Variants in IGF2BP1 observed in about 807,000 individuals in gnomAD.
The protein encoded by IGF2BP1 is insulin like growth factor 2 mRNA binding protein 1, also known as insulin-like growth factor 2 mRNA-binding protein 1.
IGF2BP1 carries 11 observed loss-of-function variants against 74.9 expected under a neutral mutation model. The observed-to-expected ratio is 0.15, with a 90% confidence interval of 0.09 to 0.24. IGF2BP1 has a LOEUF of 0.24. Among genes scored for constraint, IGF2BP1 ranks in the 10% least tolerant of loss-of-function variants. The pLI, the probability that IGF2BP1 is intolerant of heterozygous loss-of-function variation, is 1.00. For missense variants in IGF2BP1, 440 were observed against 757.4 expected, an observed-to-expected ratio of 0.58 and a Z score of 4.92; for synonymous variants, 287 against 281.8, an observed-to-expected ratio of 1.02 and a Z score of -0.18.
At chr17:49,008,620 C>A (rs1433812628) in intron 2 of IGF2BP1, among the ~76,000 whole-genome samples, 1 of 152,142 alleles carries the variant, frequency 6.6e-6, no homozygotes, top group African/African-American at 2.4e-5. Flanking sequence ...TTCTTTTAAA[C>A]TTCTAACTAA....
upstream of IGF2BP1, chr17:48,996,572 A>G (rs1477261372): frequency 1.3e-5 from 2 of 152,342 alleles, no homozygotes; most frequent in East Asian, 3.9e-4. Flanking sequence ...CGCTCCGGTT[A>G]GCCCTAGCTA....
intron 2 of IGF2BP1, among the ~76,000 whole-genome samples, chr17:48,999,607 T>C (rs1468301315): frequency 6.6e-6 from 1 of 152,124 alleles, no homozygotes; most frequent in Non-Finnish European, 1.5e-5. Flanking sequence ...TGGATTGCCC[T>C]TCTCCCGAAG....
chr17:49,002,163 G>A (rs2143918643), intron 2 of IGF2BP1, among the ~76,000 whole-genome samples: 1 of 151,990 alleles, frequency 6.6e-6, no homozygotes, highest in East Asian at 1.9e-4. Flanking sequence ...AAATGAGGTG[G>A]GCTAACTCCC....
chr17:49,040,586 C>T (rs1030911058), intron 7 of IGF2BP1, among the ~76,000 whole-genome samples: 1 of 152,200 alleles, frequency 6.6e-6, no homozygotes, highest in Non-Finnish European at 1.5e-5. Flanking sequence ...ATTGTGTCTG[C>T]GTGCCTGCAT....
chr17:49,034,767 A>C (rs1450964911), intron 5 of IGF2BP1, among the ~76,000 whole-genome samples: 1 of 150,596 alleles, frequency 6.6e-6, no homozygotes, highest in African/African-American at 2.5e-5. Context: ...AAAAAAAACA[A>C]AAAAAACGAA....
chr17:49,032,778 T>C (rs755618630), intron 5 of IGF2BP1, among the ~76,000 whole-genome samples: 1 of 152,160 alleles, frequency 6.6e-6, no homozygotes, highest in Non-Finnish European at 1.5e-5. Flanking sequence ...GCTTTAAAGC[T>C]CATGTCAACA....
intron 2 of IGF2BP1, chr17:49,017,879 C>G (rs1266962591): frequency 6.6e-6 from 1 of 151,904 alleles, no homozygotes; most frequent in African/African-American, 2.4e-5. Flanking sequence ...CAAAGTGCCT[C>G]AACTTTCCGA....
At chr17:49,000,467 G>A (rs879444065) in intron 2 of IGF2BP1, among the ~76,000 whole-genome samples, 3 of 152,152 alleles carry the variant, frequency 2.0e-5, no homozygotes, top group Non-Finnish European at 2.9e-5. Context: ...TTGAAATACC[G>A]TGTTATTGGA....
chr17:49,009,021 A>AT (rs1279842651), intron 2 of IGF2BP1, among the ~76,000 whole-genome samples: 1 of 151,126 alleles, frequency 6.6e-6, no homozygotes, highest in South Asian at 2.1e-4. Flanking sequence ...AGGAAATACA[A>AT]TTTTTTTTTG....
intron 2 of IGF2BP1, among the ~76,000 whole-genome samples, chr17:49,001,284 G>C (rs980312922): frequency 2.6e-5 from 4 of 152,152 alleles, no homozygotes; most frequent in South Asian, 4.1e-4. Flanking sequence ...ACAGGAACTA[G>C]TTAATTATGA....
intron 2 of IGF2BP1, among the ~76,000 whole-genome samples, chr17:49,011,537 G>A (rs953926675): frequency 1.3e-5 from 2 of 152,142 alleles, no homozygotes; most frequent in African/African-American, 4.8e-5. Flanking sequence ...TCAAACCCAG[G>A]CATTTCTATT....
intron 4 of IGF2BP1, among the ~76,000 whole-genome samples, chr17:49,027,121 C>T (rs2041867651): frequency 6.6e-6 from 1 of 152,316 alleles, no homozygotes; most frequent in South Asian, 2.1e-4. Flanking sequence ...CGGGGAAATA[C>T]ATTGGATTGG....
intron 1 of IGF2BP1, among the ~76,000 whole-genome samples, chr17:48,998,282 C>T (rs1359606777): frequency 2.0e-5 from 3 of 152,190 alleles, no homozygotes; most frequent in Non-Finnish European, 4.4e-5. Context: ...CCAGCCCCTC[C>T]CTATCCGCCG....
At chr17:49,004,238 G>C (rs2041520725) in intron 2 of IGF2BP1, among the ~76,000 whole-genome samples, 1 of 152,190 alleles carries the variant, frequency 6.6e-6, no homozygotes, top group South Asian at 2.1e-4. Context: ...CTTGTGGTGC[G>C]CCTTAGTCCT....
At position 49,016,794 on chromosome 17, in the gene IGF2BP1, CCCGCCCGCCCCCCTGT is replaced by C. The variant is rs949063450; in HGVS notation, c.237-8821_237-8806del. On this transcript the variant is annotated intron_variant, in intron 2 of 14. Coordinates refer to ENST00000290341, the MANE Select transcript of IGF2BP1 (RefSeq NM_006546.4). The stretch of plus-strand genomic sequence containing the variant: ...TGCCACTCGACAGCCCGCCAGCCCG[CCCGCCCGCCCCCCTGT>C]CCTCCTGCCCCCCCGCCTGTCCTCC... 5.0e-3 allele frequency among the ~76,000 whole-genome samples: 629 copies of C among 124,868 alleles called. 12 individuals carry two copies. The highest frequency in any genetic ancestry group is 0.017 in the African/African-American group (594 of 34,200). 81.9% of individuals were successfully genotyped at this position (124,868 alleles called of 152,430 possible).
At chr17:49,004,087 C>A (rs542828792) in intron 2 of IGF2BP1, among the ~76,000 whole-genome samples, 3 of 152,138 alleles carry the variant, frequency 2.0e-5, no homozygotes. Flanking sequence ...AGTCCCAGCC[C>A]GGCAATCTCG....
chr17:49,012,900 A>T (rs982471535), intron 2 of IGF2BP1: 27 of 152,000 alleles, frequency 1.8e-4, no homozygotes, highest in African/African-American at 6.5e-4. Context: ...TGGCTTCCAT[A>T]CATGTTAGTT....
Position 49,044,983 on chromosome 17 carries a change from C to G in IGF2BP1, c.1321-8C>G, listed in dbSNP as rs886961937. On this transcript the variant is annotated splice_polypyrimidine_tract_variant and splice_region_variant and intron_variant, in intron 11 of 14. Transcript: ENST00000290341. ...GGGTCCCTCATTGACTAGCTTTTTG[C>G]TTTTTAGATTGCACCACCCGAAACA... The G allele has an allele frequency of 6.2e-7, 1 of 1,613,600 alleles. No individual in the cohort carries two copies. The highest frequency in any genetic ancestry group is 1.3e-5 in the African/African-American group (1 of 74,898).
At chr17:49,041,330 A>C in intron 7 of IGF2BP1, 48 bp from the exon 8 acceptor site, 1 of 1,607,716 alleles carries the variant, frequency 6.2e-7, no homozygotes, top group Non-Finnish European at 8.5e-7. Flanking sequence ...CATGAAGCCC[A>C]CAATTGAAGG....
Sources: gnomAD v4.1 joint callset for allele counts (sites outside exome capture counted in the v4.1 genomes callset) on GRCh38, gnomAD v4.1.1 for gene constraint, MANE v1.5 for transcripts, NCBI Gene and HGNC (gene_info 2026-07-23, HGNC 2026-07-21) for gene names.